FUT8: variants seen among roughly 807,000 people sequenced by gnomAD.
The protein encoded by FUT8 is alpha-(1,6)-fucosyltransferase.
FUT8 carries 29 observed loss-of-function variants against 71.3 expected under a neutral mutation model. The ratio of observed to expected loss-of-function variants is 0.41; its 90% CI spans 0.30 to 0.55. The LOEUF is 0.55. Among genes scored for constraint, FUT8 ranks in the 20% least tolerant of loss-of-function variants. The pLI, the probability that FUT8 is intolerant of heterozygous loss-of-function variation, is 0.34. For synonymous variants in FUT8, 254 were observed against 239.3 expected (o/e 1.06, Z -0.57); for missense variants, 544 against 702.1 (o/e 0.77, Z 2.55).
At chr14:65,468,190 A>G in intron 2 of FUT8, 1 of 634,832 alleles carries the variant, frequency 1.6e-6, no homozygotes, top group East Asian at 3.5e-5. Context: ...CTCGCGGAGC[A>G]TTCCTTTTTG....
chr14:65,393,406 T>C, the FUT8 span, among the ~76,000 whole-genome samples: 1 of 152,152 alleles, frequency 6.6e-6, no homozygotes, highest in Non-Finnish European at 1.5e-5. Context: ...GGATGTGAGA[T>C]GGGGTGCATC....
intron 6 of FUT8, among the ~76,000 whole-genome samples, chr14:65,648,415 C>T (rs558694212): frequency 5.9e-5 from 9 of 152,190 alleles, no homozygotes; most frequent in East Asian, 5.8e-4. Flanking sequence ...TTGAGGTTCC[C>T]ACCTCCAAAC....
chr14:65,543,206 G>A (rs1884783625), intron 2 of FUT8, among the ~76,000 whole-genome samples: 1 of 152,232 alleles, frequency 6.6e-6, no homozygotes, highest in South Asian at 2.1e-4. Context: ...AATTACATTT[G>A]GACCTATTTC....
intron 7 of FUT8, among the ~76,000 whole-genome samples, chr14:65,682,364 T>C (rs1893079090): frequency 2.0e-5 from 3 of 152,090 alleles, no homozygotes; most frequent in Admixed American, 2.0e-4. Flanking sequence ...TTAAATTAGC[T>C]GGGCATGGTG....
At chr14:65,409,366 T>C (rs1373558518), upstream of FUT8, among the ~76,000 whole-genome samples, 1 of 152,240 alleles carries the variant, frequency 6.6e-6, no homozygotes. The surrounding 1 kb of genome is among the most constrained non-coding windows in gnomAD (Gnocchi z 5.4). Flanking sequence ...GCCTTCTGAG[T>C]GCCTCAACCC....
chr14:65,518,565 G>A (rs970951617), intron 2 of FUT8, among the ~76,000 whole-genome samples: 9 of 151,946 alleles, frequency 5.9e-5, no homozygotes, highest in South Asian at 2.1e-4. Flanking sequence ...TCACTCTGTC[G>A]CCCAGGCTAG....
At chr14:65,439,583 G>A (rs570923743) in intron 1 of FUT8, among the ~76,000 whole-genome samples, 12 of 152,078 alleles carry the variant, frequency 7.9e-5, no homozygotes, top group African/African-American at 2.2e-4. Flanking sequence ...TACTTTGAAG[G>A]GGGTTCCTAG....
At chr14:65,357,505 C>A in the FUT8 span, among the ~76,000 whole-genome samples, 1 of 152,168 alleles carries the variant, frequency 6.6e-6, no homozygotes, top group Non-Finnish European at 1.5e-5. Flanking sequence ...CAGACCCTAC[C>A]CTTAGGTGGT....
At chr14:65,692,800 G>A (rs1378741988) in intron 7 of FUT8, among the ~76,000 whole-genome samples, 1 of 151,266 alleles carries the variant, frequency 6.6e-6, no homozygotes, top group African/African-American at 2.4e-5. Flanking sequence ...GGGGGCGGCC[G>A]GGCAGAGACG....
chr14:65,361,807 C>CAAAT, the FUT8 span, among the ~76,000 whole-genome samples: 2,678 of 135,710 alleles, frequency 0.02, 42 homozygotes, highest in East Asian at 0.034. Context: ...AACAAACAAA[C>CAAAT]AAATAAATAA....
chr14:65,611,500 C>A (rs1888997211), intron 3 of FUT8, among the ~76,000 whole-genome samples: 3 of 151,404 alleles, frequency 2.0e-5, no homozygotes, highest in Non-Finnish European at 4.4e-5. Context: ...TCGTTTCTTC[C>A]ACTTAATTGG....
chr14:65,480,083 A>G (rs2066306461), intron 2 of FUT8, among the ~76,000 whole-genome samples: 5 of 152,100 alleles, frequency 3.3e-5, no homozygotes, highest in Non-Finnish European at 5.9e-5. Context: ...TTTCTTGACT[A>G]TGGGTAAATG....
chr14:65,678,572 G>T (rs1046666920), intron 7 of FUT8, among the ~76,000 whole-genome samples: 1 of 152,052 alleles, frequency 6.6e-6, no homozygotes, highest in East Asian at 1.9e-4. Context: ...TGGGAGTAAA[G>T]GGGGGTACTA....
chr14:65,659,468 ACT>A (rs1324102774), intron 6 of FUT8, among the ~76,000 whole-genome samples: 1 of 152,030 alleles, frequency 6.6e-6, no homozygotes, highest in East Asian at 1.9e-4. Context: ...GTAACTTAAA[ACT>A]CTGACTTTTA....
intron 2 of FUT8, among the ~76,000 whole-genome samples, chr14:65,511,395 G>A (rs1882329693): frequency 6.6e-6 from 1 of 151,976 alleles, no homozygotes; most frequent in African/African-American, 2.4e-5. Flanking sequence ...TGTAGCTGTT[G>A]GAAGAAATAT....
At chr14:65,648,232 G>C (rs374114220) in intron 6 of FUT8, among the ~76,000 whole-genome samples, 6 of 152,266 alleles carry the variant, frequency 3.9e-5, no homozygotes. Context: ...CTCCTTTACA[G>C]AACAACTTTA....
Position 65,597,555 on chromosome 14 carries a change from G to A in FUT8, c.204-18423G>A, listed in dbSNP as rs527863916. On this transcript the variant is annotated intron_variant, in intron 3 of 10. Coordinates refer to ENST00000673929, the MANE Select transcript of FUT8 (RefSeq NM_001371533.1). ...GGAGAATGGTGTGAACCCGGGAGGC[G>A]GAGTTTGCAGTGAGCCGAGATCGCA... Among the ~76,000 whole-genome samples, 9 of 151,968 alleles carry A rather than the reference G, an allele frequency of 5.9e-5. No homozygotes were observed. In the East Asian group the frequency reaches 7.8e-4, roughly 13 times the overall value.
chr14:65,381,904 T>C, the FUT8 span, among the ~76,000 whole-genome samples: 1 of 152,206 alleles, frequency 6.6e-6, no homozygotes, highest in Non-Finnish European at 1.5e-5. Flanking sequence ...CTCCTACCTA[T>C]TGCACGAAAC....
chr14:65,509,050 G>A (rs1178529058), intron 2 of FUT8, among the ~76,000 whole-genome samples: 3 of 152,120 alleles, frequency 2.0e-5, no homozygotes, highest in African/African-American at 7.2e-5. Context: ...TCATTTCATA[G>A]TTTGAGGTCT....
Sources: gnomAD v4.1 joint callset for allele counts (sites outside exome capture counted in the v4.1 genomes callset) on GRCh38, gnomAD v4.1.1 for gene constraint, Gnocchi (gnomAD v3.1) non-coding constraint, MANE v1.5 for transcripts, NCBI Gene and HGNC (gene_info 2026-07-23, HGNC 2026-07-21) for gene names.